ZNF26: variants seen among roughly 807,000 people sequenced by gnomAD.
ZNF26 encodes the protein zinc finger protein 26, also known as epididymis luminal protein 179.
ZNF26 carries 32 observed loss-of-function variants against 54.9 expected under a neutral mutation model. The observed-to-expected ratio is 0.58, with a 90% CI of 0.44 to 0.78. The LOEUF (loss-of-function observed/expected upper bound fraction) is 0.78. Among genes scored for constraint, ZNF26 ranks in the 30% least tolerant of loss-of-function variants. The pLI, the probability that ZNF26 is intolerant of heterozygous loss-of-function variation, is 0.00. For synonymous variants in ZNF26, 221 were observed against 209.2 expected, an observed-to-expected ratio of 1.06 and a Z score of -0.49; for missense variants, 524 against 634.0, an observed-to-expected ratio of 0.83 and a Z score of 1.86.
Position 133,011,198 on chromosome 12 carries a change from A to G in ZNF26, c.1319A>G (p.Gln440Arg). 6.2e-7 allele frequency: 1 copy of G among 1,614,212 alleles called. No homozygotes were observed. Among genetic ancestry groups the G allele is most frequent in the Non-Finnish European group, 8.5e-7 (1 of 1,180,042 alleles). ...LCERAFCGKS[Q>R]LIIHQRTHST... ...GAGAGAGCCTTTTGTGGAAAATCAC[A>G]GCTGATTATACATCAGAGAACTCAT... Residue 440 changes from glutamine to arginine, a missense_variant, in exon 4 of 4, where the codon CAG (glutamine) becomes CGG (arginine). Coordinates refer to ENST00000328654, the MANE Select transcript of ZNF26 (RefSeq NM_019591.4).
At chr12:132,996,397 G>A (rs1451378488) in intron 1 of ZNF26, among the ~76,000 whole-genome samples, 2 of 152,146 alleles carry the variant, frequency 1.3e-5, no homozygotes, top group Non-Finnish European at 2.9e-5. Flanking sequence ...CTTTTCTCTC[G>A]CAATTTTAGT....
intron 1 of ZNF26, among the ~76,000 whole-genome samples, chr12:132,994,795 C>G (rs1481277519): frequency 1.3e-5 from 2 of 152,272 alleles, no homozygotes; most frequent in Non-Finnish European, 2.9e-5. Flanking sequence ...CTGTTAGGCA[C>G]ATACCAGGAT....
At chr12:133,000,713 T>C (rs964433130) in intron 1 of ZNF26, among the ~76,000 whole-genome samples, 5 of 151,932 alleles carry the variant, frequency 3.3e-5, no homozygotes, top group African/African-American at 9.7e-5. Context: ...TGTGAGCCAC[T>C]GTGCCCGGCC....
chr12:133,001,017 G>A lies in ZNF26; in HGVS notation c.34-6025G>A, dbSNP rs915316563. Among the ~76,000 whole-genome samples the A allele has an allele frequency of 1.4e-3, 211 of 152,226 alleles. No homozygotes were observed. The highest frequency in any genetic ancestry group is 4.9e-3 in the African/African-American group (203 of 41,544). On this transcript the variant is annotated intron_variant, in intron 1 of 3. Coordinates refer to ENST00000328654, the MANE Select transcript of ZNF26 (RefSeq NM_019591.4). The surrounding 1 kb of genome is among the most constrained non-coding windows in gnomAD (Gnocchi z 4.7). ...CCCAGAAGCAGCCACTTTGGGCTCC[G>A]TTTCGTCTTCTGCTGTCGACCTCCA...
At chr12:132,988,425 G>A (rs878942253) in intron 1 of ZNF26, among the ~76,000 whole-genome samples, 1 of 110,166 alleles carries the variant, frequency 9.1e-6, no homozygotes, top group Non-Finnish European at 1.9e-5. Context: ...TTTTTTTTTT[G>A]TACAGATAGG....
intron 1 of ZNF26, among the ~76,000 whole-genome samples, chr12:132,993,775 T>G (rs1265644240): frequency 2.0e-5 from 3 of 152,116 alleles, no homozygotes; most frequent in African/African-American, 7.2e-5. Context: ...TTTTTTGCCT[T>G]TTAGTATTGC....
In ZNF26 at chr12:133,010,500, T is replaced by C; in HGVS notation, c.621T>C (p.Cys207=). 6.2e-7 allele frequency: 1 copy of C among 1,614,102 alleles called. No individual in the cohort carries two copies. Among genetic ancestry groups the C allele is most frequent in the Non-Finnish European group, 8.5e-7 (1 of 1,180,010 alleles). ...TGERPYECSK[C]ERAFSAKSNL... ...AGAGACCTTATGAATGCAGTAAATG[T>C]GAAAGAGCCTTCAGTGCCAAGTCAA... The change falls in exon 4 of 4, where the codon TGT becomes TGC. Residue 207 remains cysteine (C), a synonymous_variant. Coordinates refer to ENST00000328654, the MANE Select transcript of ZNF26 (RefSeq NM_019591.4).
intron 1 of ZNF26, chr12:133,006,401 T>G (rs1363121370): frequency 1.6e-6 from 1 of 608,548 alleles, no homozygotes; most frequent in Non-Finnish European, 2.1e-6. Flanking sequence ...CTCTCTTCAT[T>G]TCTGTACAAA....
chr12:132,997,756 T>A (rs2137229402), intron 1 of ZNF26, among the ~76,000 whole-genome samples: 2 of 152,284 alleles, frequency 1.3e-5, no homozygotes, highest in East Asian at 3.9e-4. Flanking sequence ...TACATAACAA[T>A]AATTTGAATA....
chr12:133,011,671 G>A lies in ZNF26; in HGVS notation c.*190G>A. 1 of 461,470 alleles carries A rather than the reference G, an allele frequency of 2.2e-6. No homozygotes were observed. Among genetic ancestry groups the A allele is most frequent in the African/African-American group, 2.0e-5 (1 of 50,328 alleles). 28.6% of individuals were successfully genotyped at this position (461,470 alleles called of 1,614,324 possible). A position where few individuals can be genotyped will look rare whatever the true frequency, so the allele number is the denominator to read the frequency against. ...ACAAATCTTTGTAGATGAAAATAAT[G>A]GAAGGAATGTGGAGCAATAAATGTA... On this transcript the variant is annotated 3_prime_UTR_variant, in exon 4 of 4. Transcript: ENST00000328654.
intron 1 of ZNF26, among the ~76,000 whole-genome samples, chr12:133,003,078 A>G (rs1474823609): frequency 2.6e-5 from 4 of 152,036 alleles, no homozygotes; most frequent in East Asian, 1.9e-4. Flanking sequence ...CATTCTCATC[A>G]TGCAGGATGA....
Position 132,986,799 on chromosome 12 carries a change from G to T in ZNF26, c.-42G>T. 6 of 1,581,326 alleles carry T rather than the reference G, an allele frequency of 3.8e-6. No individual in the cohort carries two copies. Among genetic ancestry groups the T allele is most frequent in the Non-Finnish European group, 5.2e-6 (6 of 1,163,064 alleles). On this transcript the variant is annotated 5_prime_UTR_variant, in exon 1 of 4. Transcript: ENST00000328654. ...CCCTCACGGTCTCTCCGCAGCCCGC[G>T]GGTCCTGCCCCCGCAGGCAGCGCGC...
At chr12:132,992,350 A>G (rs1780181258) in intron 1 of ZNF26, among the ~76,000 whole-genome samples, 1 of 149,946 alleles carries the variant, frequency 6.7e-6, no homozygotes, top group Non-Finnish European at 1.5e-5. Flanking sequence ...GTTTCACTCC[A>G]TTTTCTTGCT....
chr12:132,987,334 G>T (rs1040519154), intron 1 of ZNF26, among the ~76,000 whole-genome samples: 1 of 152,318 alleles, frequency 6.6e-6, no homozygotes, highest in East Asian at 1.9e-4. Flanking sequence ...GCTTTGGTTT[G>T]GTGGAGAGGG....
chr12:132,997,805 G>C (rs1953122295), intron 1 of ZNF26, among the ~76,000 whole-genome samples: 1 of 152,220 alleles, frequency 6.6e-6, no homozygotes, highest in Non-Finnish European at 1.5e-5. Flanking sequence ...AAACGAAAGA[G>C]AACTTTTGAT....
At chr12:133,005,164 T>C (rs1953296447) in intron 1 of ZNF26, 2 of 152,326 alleles carry the variant, frequency 1.3e-5, no homozygotes, top group African/African-American at 4.8e-5. Context: ...CCTACATTGG[T>C]AATTCTTCTA....
At chr12:132,999,045 G>T (rs1034130127) in intron 1 of ZNF26, among the ~76,000 whole-genome samples, 3 of 152,122 alleles carry the variant, frequency 2.0e-5, no homozygotes, top group African/African-American at 7.2e-5. Flanking sequence ...GATGTCATTT[G>T]TTCACCTTGG....
Position 133,011,090 on chromosome 12 carries a change from G to A in ZNF26, c.1211G>A (p.Gly404Glu), listed in dbSNP as rs950370692. Residue 404 changes from glycine to glutamate, a missense_variant, in exon 4 of 4, where the codon GGG becomes GAG. Coordinates refer to ENST00000328654, the MANE Select transcript of ZNF26 (RefSeq NM_019591.4). Reference protein sequence around the residue: ...GEKPYGCSECGKAFSSKSYLV... With the variant: ...GEKPYGCSECEKAFSSKSYLV... ...AAGCCCTATGGATGCAGTGAATGTG[G>A]GAAGGCTTTCAGCAGCAAGTCATAC... 28 of 1,614,064 alleles carry A rather than the reference G, an allele frequency of 1.7e-5. No individual in the cohort carries two copies. The highest frequency in any genetic ancestry group is 2.2e-5 in the Non-Finnish European group (26 of 1,179,994).
Position 133,015,534 on chromosome 12 carries a change from G to C in ZNF26, c.*4053G>C, listed in dbSNP as rs1311480573. On this transcript the variant is annotated 3_prime_UTR_variant, in exon 4 of 4. Coordinates refer to ENST00000328654, the MANE Select transcript of ZNF26 (RefSeq NM_019591.4). Reference sequence around the variant, plus strand: ...AATAAGATGCTTTCCTATGGTCCCAGCTACTTGGGAGGCTGAGGCAGGAGT... The same window carrying C: ...AATAAGATGCTTTCCTATGGTCCCACCTACTTGGGAGGCTGAGGCAGGAGT... 25 of 152,260 alleles carry C rather than the reference G, an allele frequency of 1.6e-4. No individual in the cohort carries two copies. The highest frequency in any genetic ancestry group is 4.8e-4 in the African/African-American group (20 of 41,534). 9.4% of individuals were successfully genotyped at this position (152,260 alleles called of 1,614,324 possible).
Sources: gnomAD v4.1 joint callset for allele counts (sites outside exome capture counted in the v4.1 genomes callset) on GRCh38, gnomAD v4.1.1 for gene constraint, Gnocchi (gnomAD v3.1) non-coding constraint, MANE v1.5 for transcripts, NCBI Gene and HGNC (gene_info 2026-07-23, HGNC 2026-07-21) for gene names.